DPEP1: variants seen among roughly 807,000 people sequenced by gnomAD.
DPEP1 encodes the protein beta-lactamase.
DPEP1 carries 50 observed loss-of-function variants against 42.3 expected under a neutral mutation model. The ratio of observed to expected loss-of-function variants is 1.18; its 90% confidence interval spans 0.94 to 1.50. DPEP1 has a LOEUF of 1.50. Ranked by LOEUF, DPEP1 falls within the 40% of genes most tolerant of loss-of-function variation. The pLI, the probability that DPEP1 is intolerant of heterozygous loss-of-function variation, is 0.00. For missense variants in DPEP1, 663 were observed against 553.0 expected, an observed-to-expected ratio of 1.20 and a Z score of -1.99; for synonymous variants, 297 against 234.0, an observed-to-expected ratio of 1.27 and a Z score of -2.46.
intron 2 of DPEP1, 136 bp from the exon 3 acceptor site, chr16:89,635,772 C>G (rs370268578): frequency 1.7e-5 from 21 of 1,250,238 alleles, no homozygotes; most frequent in Middle Eastern, 2.7e-4. Context: ...TATGTCACCC[C>G]CGCGGCCTAG....
At chr16:89,636,769 C>T (rs888252165) in intron 5 of DPEP1, 86 bp downstream of exon 5, 18 of 1,601,456 alleles carry the variant, frequency 1.1e-5, no homozygotes, top group Non-Finnish European at 1.4e-5. Flanking sequence ...AGCCCATCCC[C>T]TCTGCCTGTG....
At chr16:89,627,877 C>G (rs918203780) in intron 1 of DPEP1, among the ~76,000 whole-genome samples, 2 of 151,642 alleles carry the variant, frequency 1.3e-5, no homozygotes, top group African/African-American at 4.8e-5. Flanking sequence ...TCAGGCTGGT[C>G]TCAAACTCCT....
At chr16:89,632,267 G>C (rs1320289137) in intron 2 of DPEP1, among the ~76,000 whole-genome samples, 1 of 152,118 alleles carries the variant, frequency 6.6e-6, no homozygotes, top group Non-Finnish European at 1.5e-5. Flanking sequence ...TGGCCAGGCT[G>C]GTCTCGAACT....
chr16:89,636,147 C>G, intron 3 of DPEP1, 107 bp downstream of exon 3: 2 of 1,546,960 alleles, frequency 1.3e-6, no homozygotes, highest in East Asian at 4.8e-5. Flanking sequence ...CAGGGTCCCT[C>G]GGTGCCCAGG....
In DPEP1 at chr16:89,636,926, C is replaced by CT; in HGVS notation, c.585dup (p.Gly196TrpfsTer55). The stretch of plus-strand genomic sequence containing the variant: ...AGCCCCAGAGCCAAGGCTTGTCACC[C>CT]TTTGGGCAGGTGAGTGGGGTGGGAG... On this transcript the variant is annotated frameshift_variant, in exon 6 of 11. Coordinates refer to ENST00000690203, the MANE Select transcript of DPEP1 (RefSeq NM_001389466.1). LOFTEE classifies it high-confidence loss of function. 1 of 1,612,488 alleles carries CT rather than the reference C, an allele frequency of 6.2e-7. No individual in the cohort carries two copies. Among genetic ancestry groups the CT allele is most frequent in the Non-Finnish European group, 8.5e-7 (1 of 1,179,920 alleles).
intron 1 of DPEP1, among the ~76,000 whole-genome samples, chr16:89,621,271 G>A (rs2059443721): frequency 6.6e-6 from 1 of 152,024 alleles, no homozygotes; most frequent in Non-Finnish European, 1.5e-5. Flanking sequence ...TGGGCTGTGG[G>A]GGATCAGAGT....
Position 89,638,401 on chromosome 16 carries a change from G to T in DPEP1, c.*179G>T. The T allele has an allele frequency of 7.3e-7, 1 of 1,360,550 alleles. No individual in the cohort carries two copies. Among genetic ancestry groups the T allele is most frequent in the Non-Finnish European group, 9.4e-7 (1 of 1,062,670 alleles). The allele number at this position is 1,360,550 out of a possible 1,614,324, so 84.3% of individuals were successfully genotyped here. On this transcript the variant is annotated 3_prime_UTR_variant, in exon 11 of 11. Coordinates refer to ENST00000690203, the MANE Select transcript of DPEP1 (RefSeq NM_001389466.1). The stretch of plus-strand genomic sequence containing the variant: ...GGGGACAGTTCAGGACACACACACA[G>T]TAGGCCCGCAATAAAAGCAACACCC...
chr16:89,636,239 T>C lies in DPEP1; in HGVS notation c.238-25T>C, dbSNP rs777815741. On this transcript the variant is annotated intron_variant, in intron 3 of 10. Coordinates refer to ENST00000690203, the MANE Select transcript of DPEP1 (RefSeq NM_001389466.1). The stretch of plus-strand genomic sequence containing the variant: ...TGGGCTGAGACCTGGCTGCATCAGC[T>C]CCTGGCACCCCCTGCGGCCCACAGT... 4.4e-6 allele frequency: 7 copies of C among 1,594,892 alleles called. No individual in the cohort carries two copies. The South Asian group carries it at 7.9e-5, about 18-fold the overall frequency.
intron 2 of DPEP1, among the ~76,000 whole-genome samples, chr16:89,634,906 TCC>T (rs1491219003): frequency 5.8e-4 from 53 of 91,624 alleles, no homozygotes; most frequent in East Asian, 1.1e-3. Context: ...TTCCCTTCCT[TCC>T]CTTTCCCCTT....
chr16:89,629,371 G>A (rs943653162), intron 1 of DPEP1, among the ~76,000 whole-genome samples: 2 of 152,066 alleles, frequency 1.3e-5, no homozygotes, highest in Non-Finnish European at 2.9e-5. Context: ...ACGTGGTGGT[G>A]CACGCCTGTG....
Position 89,637,953 on chromosome 16 carries a change from C to A in DPEP1, c.1047C>A (p.Val349=), listed in dbSNP as rs990698311. 1.2e-6 allele frequency: 2 copies of A among 1,609,532 alleles called. No individual in the cohort carries two copies. Among genetic ancestry groups the A allele is most frequent in the Non-Finnish European group, 1.7e-6 (2 of 1,178,544 alleles). ...KGALADNLLR[V]FEAVEQASNL... ...CACTGGCTGACAACCTGCTGAGGGT[C>A]TTCGAGGCTGTGGAACAGGTGAGGA... The change falls in exon 10 of 11, where the codon GTC becomes GTA. Residue 349 remains valine (V), a synonymous_variant. Coordinates refer to ENST00000690203, the MANE Select transcript of DPEP1 (RefSeq NM_001389466.1).
At position 89,638,048 on chromosome 16, in the gene DPEP1, C is replaced by T. The variant is rs1346252195; in HGVS notation, c.1066-4C>T. 6.2e-7 allele frequency: 1 copy of T among 1,611,956 alleles called. No individual in the cohort carries two copies. Among genetic ancestry groups the T allele is most frequent in the Middle Eastern group, 1.7e-4 (1 of 6,056 alleles). On this transcript the variant is annotated splice_region_variant and splice_polypyrimidine_tract_variant and intron_variant, in intron 10 of 10. Transcript: ENST00000690203. ...CTGCCCCACCCGTGTCTGTCTGTCCCCAGGCCAGCAACCTCACACAGGCTC... is the reference window on the plus strand; with the variant it reads ...CTGCCCCACCCGTGTCTGTCTGTCCTCAGGCCAGCAACCTCACACAGGCTC...
intron 1 of DPEP1, among the ~76,000 whole-genome samples, chr16:89,618,581 G>A (rs1341104532): frequency 3.3e-5 from 5 of 152,018 alleles, no homozygotes; most frequent in Non-Finnish European, 5.9e-5. Flanking sequence ...AGGTGGGAGT[G>A]CAGCCTCAAG....
Position 89,637,709 on chromosome 16 carries a change from T to A in DPEP1, c.929+2T>A. The stretch of plus-strand genomic sequence containing the variant: ...TGGGGACTTTGATGGTGTTCCAAGG[T>A]AAGGGGCTGAGAGCTCTGTCCTGTG... On this transcript the variant is annotated splice_donor_variant, in intron 9 of 10. Transcript: ENST00000690203. LOFTEE classifies it high-confidence loss of function. 1.2e-6 allele frequency: 2 copies of A among 1,612,800 alleles called. No individual in the cohort carries two copies. Among genetic ancestry groups the A allele is most frequent in the Non-Finnish European group, 1.7e-6 (2 of 1,179,900 alleles).
At chr16:89,635,453 C>T (rs1003030748) in intron 2 of DPEP1, among the ~76,000 whole-genome samples, 7 of 152,276 alleles carry the variant, frequency 4.6e-5, no homozygotes, top group East Asian at 1.9e-4. Context: ...AAGGTCAGGC[C>T]GTTCCAATTA....
rs2059562624 is a variant in DPEP1 at position 89,629,923 on chromosome 16, G to A, written c.-106-382G>A. Among the ~76,000 whole-genome samples, 5 of 152,224 alleles carry A rather than the reference G, an allele frequency of 3.3e-5. No individual in the cohort carries two copies. The South Asian group carries it at 8.3e-4, about 25-fold the overall frequency. ...AGTCACGTAAGATGATTTTTACGTG[G>A]AAAGGGGTGCTTTATGAGAATGCAC... On this transcript the variant is annotated intron_variant, in intron 1 of 10. Coordinates refer to ENST00000690203, the MANE Select transcript of DPEP1 (RefSeq NM_001389466.1).
chr16:89,641,069 T>C (rs555519384), downstream of DPEP1, among the ~76,000 whole-genome samples: 47 of 152,340 alleles, frequency 3.1e-4, no homozygotes, highest in Admixed American at 4.6e-4. Context: ...ATTTCTTCTA[T>C]GCATTTCAAA....
chr16:89,636,053 C>G lies in DPEP1; in HGVS notation c.237+13C>G, dbSNP rs372504738. 1.9e-5 allele frequency: 30 copies of G among 1,599,950 alleles called. No individual in the cohort carries two copies. The highest frequency in any genetic ancestry group is 8.0e-5 in the African/African-American group (6 of 74,798). On this transcript the variant is annotated intron_variant, in intron 3 of 10. Coordinates refer to ENST00000690203, the MANE Select transcript of DPEP1 (RefSeq NM_001389466.1). ...TGTGGGAGGCCAGGTACCGCCTGCC[C>G]TGCCTTGTGCTTGCCCTGTGTGGGG...
At chr16:89,614,657 T>C (rs192042680) in intron 1 of DPEP1, among the ~76,000 whole-genome samples, 2,060 of 152,010 alleles carry the variant, frequency 0.014, 42 homozygotes, top group African/African-American at 0.046. Flanking sequence ...TAGCCGGGCG[T>C]GGTGGCGGGC....
Sources: gnomAD v4.1 joint callset for allele counts (sites outside exome capture counted in the v4.1 genomes callset) on GRCh38, gnomAD v4.1.1 for gene constraint, MANE v1.5 for transcripts, NCBI Gene and HGNC (gene_info 2026-07-23, HGNC 2026-07-21) for gene names.